Variants in ZNF462 observed in about 807,000 individuals in gnomAD.
ZNF462 encodes zinc finger protein 462.
ZNF462 carries 10 observed loss-of-function variants against 201.9 expected under a neutral mutation model. The ratio of observed to expected loss-of-function variants is 0.05; its 90% CI spans 0.03 to 0.08. The LOEUF (loss-of-function observed/expected upper bound fraction) is 0.08, where lower values mean the gene tolerates loss of function less well. Among genes scored for constraint, ZNF462 ranks in the 10% least tolerant of loss-of-function variants. ZNF462 has a pLI of 1.00. For missense variants in ZNF462, 2,523 were observed against 3,168.3 expected (o/e 0.80, Z 4.89); for synonymous variants, 1,227 against 1,193.3 (o/e 1.03, Z -0.58).
chr9:106,984,548 T>C lies in ZNF462; in HGVS notation c.7056+139T>C. ...AAAGAGCTTTTAAAGTGAGGTCTAG[T>C]TTCTTCTATTAGAAACGTAAGGTCA... On this transcript the variant is annotated intron_variant, in intron 10 of 12. Coordinates refer to ENST00000277225, the MANE Select transcript of ZNF462 (RefSeq NM_021224.6). This position sits in a 1 kb window ranked among gnomAD's most constrained non-coding sequence, Gnocchi z 6.4. 3.0e-6 allele frequency: 2 copies of C among 669,934 alleles called. No homozygotes were observed. Among genetic ancestry groups the C allele is most frequent in the Non-Finnish European group, 4.9e-6 (2 of 409,592 alleles). 41.5% of individuals were successfully genotyped at this position (669,934 alleles called of 1,614,324 possible). A position where few individuals can be genotyped will look rare whatever the true frequency, so the allele number is the denominator to read the frequency against.
rs1487368005 is a variant in ZNF462 at position 106,880,931 on chromosome 9, T to C, written c.-31+17576T>C. Among the ~76,000 whole-genome samples, 1 of 152,198 alleles carries C rather than the reference T, an allele frequency of 6.6e-6. No individual in the cohort carries two copies. Among genetic ancestry groups the C allele is most frequent in the Non-Finnish European group, 1.5e-5 (1 of 68,032 alleles). On this transcript the variant is annotated intron_variant, in intron 1 of 12. Transcript: ENST00000277225. This position sits in a 1 kb window ranked among gnomAD's most constrained non-coding sequence, Gnocchi z 4.1. ...AAATAGTTTCTTTAAGAATTCTGAT[T>C]CCTACAAAACAATATTGGCAGGTTT...
rs778595447 is a variant in ZNF462, at chr9:106,924,718, T to C, written c.806T>C (p.Met269Thr). 3.7e-6 allele frequency: 6 copies of C among 1,613,876 alleles called. No homozygotes were observed. Among genetic ancestry groups the C allele is most frequent in the South Asian group, 1.1e-5 (1 of 91,068 alleles). Reference sequence around the variant, plus strand: ...CACATGATGAAGAAACACCGCAGTATGGTCAAGATCCTTTCCAGTCTCAGA... The same window carrying C: ...CACATGATGAAGAAACACCGCAGTACGGTCAAGATCCTTTCCAGTCTCAGA... ...CDHMMKKHRS[M>T]VKILSSLRQQ... The change falls in exon 3 of 13, where the codon ATG becomes ACG. Residue 269 changes from methionine to threonine, a missense_variant. Transcript: ENST00000277225. This position sits in a 1 kb window ranked among gnomAD's most constrained non-coding sequence, Gnocchi z 6.2.
At chr9:106,874,970 A>G (rs1454274615) in intron 1 of ZNF462, among the ~76,000 whole-genome samples, 1 of 152,234 alleles carries the variant, frequency 6.6e-6, no homozygotes, top group Non-Finnish European at 1.5e-5. Context: ...AAGATAATCT[A>G]GTCAGTGGGC....
chr9:107,000,922 C>T (rs1402340627), intron 10 of ZNF462, among the ~76,000 whole-genome samples: 2 of 152,152 alleles, frequency 1.3e-5, no homozygotes, highest in African/African-American at 4.8e-5. Context: ...TGGCACACAG[C>T]AAGCCAGCCC....
Position 106,864,075 on chromosome 9 carries a change from T to G in ZNF462, c.-31+720T>G, listed in dbSNP as rs987737855. On this transcript the variant is annotated intron_variant, in intron 1 of 12. Transcript: ENST00000277225. ...CTCTCTCTCTCTCTCTCTCTCTCTCTCTCTCTCTCTCTCTCTCTCTCTCTC... is the reference window on the plus strand; with the variant it reads ...CTCTCTCTCTCTCTCTCTCTCTCTCGCTCTCTCTCTCTCTCTCTCTCTCTC... 4.8e-4 allele frequency among the ~76,000 whole-genome samples: 64 copies of G among 133,374 alleles called. 2 individuals are homozygous for G. Among genetic ancestry groups the G allele is most frequent in the African/African-American group, 1.7e-3 (62 of 35,436 alleles). The allele number at this position is 133,374 out of a possible 152,430, so 87.5% of individuals were successfully genotyped here. A position where few individuals can be genotyped will look rare whatever the true frequency, so the allele number is the denominator to read the frequency against.
At position 106,927,452 on chromosome 9, in the gene ZNF462, C is replaced by G; in HGVS notation, c.3540C>G (p.Ser1180Arg). The G allele has an allele frequency of 1.2e-6, 2 of 1,613,910 alleles. No homozygotes were observed. The highest frequency in any genetic ancestry group is 1.7e-6 in the Non-Finnish European group (2 of 1,179,984). ...PAPIQQLNRS[S>R]SERDGPPVEN... The stretch of plus-strand genomic sequence containing the variant: ...CCATACAACAGCTGAACCGAAGCAG[C>G]TCTGAGAGAGATGGCCCTCCTGTGG... The change falls in exon 3 of 13, where the codon AGC (serine) becomes AGG (arginine). Residue 1180 changes from serine (S) to arginine (R), a missense_variant. This residue lies in a region of ZNF462 where 222 missense variants were observed against 271.6 expected (regional missense o/e 0.82). Coordinates refer to ENST00000277225, the MANE Select transcript of ZNF462 (RefSeq NM_021224.6).
rs920244224 is a variant in ZNF462, at chr9:106,865,072, G to C, written c.-31+1717G>C. ...TTCTCTCTTTCCAGAGGGAAACCTT[G>C]TGGTGGTTCCTCACTGTCTATTCAT... On this transcript the variant is annotated intron_variant, in intron 1 of 12. Coordinates refer to ENST00000277225, the MANE Select transcript of ZNF462 (RefSeq NM_021224.6). The surrounding 1 kb of genome is among the most constrained non-coding windows in gnomAD (Gnocchi z 4.1). 2.0e-5 allele frequency among the ~76,000 whole-genome samples: 3 copies of C among 152,200 alleles called. No homozygotes were observed. The highest frequency in any genetic ancestry group is 7.2e-5 in the African/African-American group (3 of 41,442).
chr9:106,925,267 G>A lies in ZNF462; in HGVS notation c.1355G>A (p.Arg452His). 1.9e-6 allele frequency: 3 copies of A among 1,614,124 alleles called. No homozygotes were observed. The highest frequency in any genetic ancestry group is 2.5e-6 in the Non-Finnish European group (3 of 1,180,038). Residue 452 changes from arginine (R) to histidine (H), a missense_variant, in exon 3 of 13, where the codon CGT (arginine) becomes CAT (histidine). Physicochemically the swap from Arg to His is conservative, Grantham distance 29. Around this residue, in one of 15 missense-constraint regions of ZNF462, gnomAD observed 13 missense variants for 43.2 expected, o/e 0.30. Transcript: ENST00000277225. The surrounding 1 kb of genome is among the most constrained non-coding windows in gnomAD (Gnocchi z 7.9). ...PFCPFLTMHR[R>H]SISRHIENIH... ...TGTCCTTTCCTCACCATGCATCGAC[G>A]TAGCATCTCTCGTCACATAGAAAAC...
In ZNF462 at chr9:107,003,266, T is replaced by C. The variant is rs372251550; in HGVS notation, c.7057-28T>C. The C allele has an allele frequency of 1.2e-6, 2 of 1,612,498 alleles. No homozygotes were observed. Among genetic ancestry groups the C allele is most frequent in the African/African-American group, 2.7e-5 (2 of 74,858 alleles). The stretch of plus-strand genomic sequence containing the variant: ...ACCCCATTTGGTCTGCGGTTTATTA[T>C]TCCATCATTTGTTTGGGCCTTTTTC... On this transcript the variant is annotated intron_variant, in intron 10 of 12. Transcript: ENST00000277225. The surrounding 1 kb of genome is among the most constrained non-coding windows in gnomAD (Gnocchi z 4.4).
chr9:106,861,777 G>A (rs111771986), upstream of ZNF462, among the ~76,000 whole-genome samples: 1,518 of 152,276 alleles, frequency 1.0e-2, 10 homozygotes, highest in South Asian at 0.041. Flanking sequence ...TTGCAAAAGA[G>A]ATAGTTCAGA....
Position 106,902,833 on chromosome 9 carries a change from G to A in ZNF462, c.-30-20521G>A, listed in dbSNP as rs1433943408. 6.6e-6 allele frequency among the ~76,000 whole-genome samples: 1 copy of A among 151,864 alleles called. No individual in the cohort carries two copies. Among genetic ancestry groups the A allele is most frequent in the African/African-American group, 2.4e-5 (1 of 41,374 alleles). The stretch of plus-strand genomic sequence containing the variant: ...CTCTCTTCTTTTCTTGGTTAATTTT[G>A]CTAATGGTCTATCAATTTTATTTAT... On this transcript the variant is annotated intron_variant, in intron 1 of 12. Coordinates refer to ENST00000277225, the MANE Select transcript of ZNF462 (RefSeq NM_021224.6). The surrounding 1 kb of genome is among the most constrained non-coding windows in gnomAD (Gnocchi z 4.2).
At position 106,872,473 on chromosome 9, in the gene ZNF462, C is replaced by T. The variant is rs1827634873; in HGVS notation, c.-31+9118C>T. 6.6e-6 allele frequency among the ~76,000 whole-genome samples: 1 copy of T among 152,206 alleles called. No homozygotes were observed. The highest frequency in any genetic ancestry group is 1.5e-5 in the Non-Finnish European group (1 of 68,034). On this transcript the variant is annotated intron_variant, in intron 1 of 12. Coordinates refer to ENST00000277225, the MANE Select transcript of ZNF462 (RefSeq NM_021224.6). This position sits in a 1 kb window ranked among gnomAD's most constrained non-coding sequence, Gnocchi z 4.5. ...TGCCTCCCAGGTTCAAGCAATTCTC[C>T]TGACTCAGCCTCCCAAGTAGCTGGG...
In ZNF462 at chr9:106,974,415, C is replaced by A; in HGVS notation, c.6832+142C>A. 2.3e-6 allele frequency: 3 copies of A among 1,320,288 alleles called. No individual in the cohort carries two copies. The highest frequency in any genetic ancestry group is 3.3e-6 in the Non-Finnish European group (3 of 917,762). The allele number at this position is 1,320,288 out of a possible 1,614,324, so 81.8% of individuals were successfully genotyped here. A position where few individuals can be genotyped will look rare whatever the true frequency, so the allele number is the denominator to read the frequency against. ...TTCAGGCAAGAAACCACAGTGATAA[C>A]CACAGTGACAGCCAAAAGGGCAAAA... On this transcript the variant is annotated intron_variant, in intron 9 of 12. Transcript: ENST00000277225. This position sits in a 1 kb window ranked among gnomAD's most constrained non-coding sequence, Gnocchi z 4.0.
chr9:106,929,476 C>G lies in ZNF462; in HGVS notation c.5564C>G (p.Ser1855Cys), dbSNP rs747379885. 5.0e-6 allele frequency: 8 copies of G among 1,614,040 alleles called. No individual in the cohort carries two copies. In the South Asian group the frequency reaches 8.8e-5, roughly 18 times the overall value. ...PFRCIKCFKL[S>C]FSTAELLCMH... ...CGCTGCATCAAATGCTTCAAGCTGT[C>G]CTTTAGCACTGCAGAGCTGCTGTGC... The change falls in exon 3 of 13, where the codon TCC becomes TGC. Residue 1855 changes from serine (S) to cysteine (C), a missense_variant. Physicochemically the swap from Ser to Cys is moderately radical, Grantham distance 112. Coordinates refer to ENST00000277225, the MANE Select transcript of ZNF462 (RefSeq NM_021224.6). This position sits in a 1 kb window ranked among gnomAD's most constrained non-coding sequence, Gnocchi z 8.7.
chr9:106,990,395 G>A (rs190975321), intron 10 of ZNF462, among the ~76,000 whole-genome samples: 1 of 152,118 alleles, frequency 6.6e-6, no homozygotes, highest in African/African-American at 2.4e-5. Flanking sequence ...GTATTCTGTG[G>A]TTGTTGGATG....
chr9:106,989,222 A>G (rs973120282), intron 10 of ZNF462, among the ~76,000 whole-genome samples: 3 of 152,044 alleles, frequency 2.0e-5, no homozygotes, highest in African/African-American at 4.8e-5. Context: ...TTGTATGCCA[A>G]TTTTGCTGGG....
chr9:106,896,091 T>C (rs879934433), intron 1 of ZNF462, among the ~76,000 whole-genome samples: 1 of 152,228 alleles, frequency 6.6e-6, no homozygotes, highest in Admixed American at 6.5e-5. Flanking sequence ...TGCCTTATTA[T>C]AGAGTGTTTG....
At chr9:106,946,956 TTTTTGTTAACATG>T (rs568203335) in intron 7 of ZNF462, among the ~76,000 whole-genome samples, 216 of 152,338 alleles carry the variant, frequency 1.4e-3, no homozygotes, top group African/African-American at 4.9e-3. Flanking sequence ...TGTACACATA[TTTTTGTTAACATG>T]TTTTGTTAAC....
At position 107,012,154 on chromosome 9, in the gene ZNF462, C is replaced by T. The variant is rs1233510806; in HGVS notation, c.*1124C>T. The T allele has an allele frequency of 3.0e-5, 4 of 132,198 alleles. No individual in the cohort carries two copies. Among genetic ancestry groups the T allele is most frequent in the Admixed American group, 1.7e-4 (2 of 11,628 alleles). 8.2% of individuals were successfully genotyped at this position (132,198 alleles called of 1,614,324 possible). On this transcript the variant is annotated 3_prime_UTR_variant, in exon 13 of 13. Transcript: ENST00000277225. ...TAATTTAACTAAAGAACCAAACTTTCGGCACAGCTATGCAGCTTGTGGGCC... is the reference window on the plus strand; with the variant it reads ...TAATTTAACTAAAGAACCAAACTTTTGGCACAGCTATGCAGCTTGTGGGCC...
Sources: allele counts gnomAD v4.1 joint callset (sites outside exome capture counted in the v4.1 genomes callset), GRCh38; gene constraint gnomAD v4.1.1; regional missense constraint gnomAD v4.1.1; non-coding constraint Gnocchi (gnomAD v3.1); transcripts MANE v1.5; gene names NCBI Gene and HGNC (gene_info 2026-07-23, HGNC 2026-07-21).